SLC16A7: variants seen among roughly 807,000 people sequenced by gnomAD.
The protein encoded by SLC16A7 is monocarboxylate transporter 2.
Under a neutral mutation model 34.9 loss-of-function variants are expected in SLC16A7, and 33 were observed. The observed-to-expected ratio is 0.94, with a 90% CI of 0.72 to 1.26. The LOEUF is 1.26. SLC16A7 is among the 50% of genes most tolerant of loss of function. SLC16A7 has a pLI of 0.00. For synonymous variants in SLC16A7, 201 were observed against 206.6 expected (o/e 0.97, Z 0.23); for missense variants, 573 against 578.1 (o/e 0.99, Z 0.09).
intron 1 of SLC16A7, among the ~76,000 whole-genome samples, chr12:59,608,138 C>T (rs1217032387): frequency 6.6e-6 from 1 of 152,122 alleles, no homozygotes; most frequent in Non-Finnish European, 1.5e-5. Flanking sequence ...TTTCTGCATC[C>T]TCTCTCTGTT....
intron 2 of SLC16A7, among the ~76,000 whole-genome samples, chr12:59,700,290 T>C (rs1011404896): frequency 6.6e-6 from 1 of 151,642 alleles, no homozygotes; most frequent in Non-Finnish European, 1.5e-5. Flanking sequence ...ATGGTGACTT[T>C]ACAGAACACA....
At chr12:59,768,323 A>C in intron 3 of SLC16A7, 1 of 379,048 alleles carries the variant, frequency 2.6e-6, no homozygotes, top group South Asian at 2.0e-5. Flanking sequence ...ACTTCAGTGA[A>C]GTAAGTAACT....
chr12:59,638,112 A>G (rs950354537), intron 1 of SLC16A7, among the ~76,000 whole-genome samples: 4 of 152,094 alleles, frequency 2.6e-5, no homozygotes, highest in African/African-American at 7.2e-5. Context: ...TTCGATAAAG[A>G]ATAGACAGCT....
Position 59,779,125 on chromosome 12 carries a change from C to G in SLC16A7, c.1181-298C>G, listed in dbSNP as rs555122914. ...TGTATAGATATAAAAATATACCTCA[C>G]TCATGTATGTATTAATATATACACA... On this transcript the variant is annotated intron_variant, in intron 5 of 5. Coordinates refer to ENST00000547379, the MANE Select transcript of SLC16A7 (RefSeq NM_001270623.2). Among the ~76,000 whole-genome samples, 59 of 152,028 alleles carry G rather than the reference C, an allele frequency of 3.9e-4. 2 individuals carry two copies. The highest frequency in any genetic ancestry group is 3.8e-3 in the Admixed American group (58 of 15,258).
intron 1 of SLC16A7, among the ~76,000 whole-genome samples, chr12:59,607,098 A>C (rs958647007): frequency 2.0e-5 from 3 of 152,172 alleles, no homozygotes; most frequent in Non-Finnish European, 4.4e-5. Context: ...TGCAGGGCAA[A>C]GTTGAGTAGT....
At chr12:59,644,801 A>G (rs1880837799) in intron 1 of SLC16A7, among the ~76,000 whole-genome samples, 1 of 152,174 alleles carries the variant, frequency 6.6e-6, no homozygotes, top group Non-Finnish European at 1.5e-5. Flanking sequence ...CGGATAGAAA[A>G]CATAATTTCC....
intron 3 of SLC16A7, among the ~76,000 whole-genome samples, chr12:59,762,076 T>G (rs1161914207): frequency 6.6e-6 from 1 of 152,128 alleles, no homozygotes; most frequent in Admixed American, 6.6e-5. Context: ...TCTGGCTGAA[T>G]TGTTCTGTAA....
intron 1 of SLC16A7, among the ~76,000 whole-genome samples, chr12:59,608,783 G>T (rs964286907): frequency 4.6e-5 from 7 of 152,144 alleles, no homozygotes; most frequent in African/African-American, 1.4e-4. Context: ...ACACAAATTT[G>T]TTACTCTACC....
intron 1 of SLC16A7, among the ~76,000 whole-genome samples, chr12:59,637,184 T>A (rs530883067): frequency 6.6e-6 from 1 of 152,214 alleles, no homozygotes; most frequent in South Asian, 2.1e-4. Flanking sequence ...TGTGTGCACA[T>A]TGAAAGGGAA....
intron 3 of SLC16A7, among the ~76,000 whole-genome samples, chr12:59,731,153 T>C (rs887016088): frequency 2.6e-5 from 4 of 152,180 alleles, no homozygotes; most frequent in Non-Finnish European, 4.4e-5. Flanking sequence ...AGCTTAAATA[T>C]GTATATACTT....
intron 1 of SLC16A7, among the ~76,000 whole-genome samples, chr12:59,609,446 G>A (rs1592385845): frequency 6.6e-6 from 1 of 152,052 alleles, no homozygotes; most frequent in African/African-American, 2.4e-5. Context: ...AGGCAGATAA[G>A]CGACTTAGAG....
chr12:59,699,183 G>T (rs1222402600), intron 2 of SLC16A7, among the ~76,000 whole-genome samples: 1 of 151,440 alleles, frequency 6.6e-6, no homozygotes. Flanking sequence ...ATCTTTAAGT[G>T]AAAATTTATT....
At chr12:59,648,397 T>C (rs1321382830) in intron 1 of SLC16A7, among the ~76,000 whole-genome samples, 12 of 152,168 alleles carry the variant, frequency 7.9e-5, no homozygotes, top group Non-Finnish European at 4.4e-5. Flanking sequence ...TTATAGATGA[T>C]ATTAATATTT....
At chr12:59,706,758 T>C (rs1406742886) in intron 3 of SLC16A7, among the ~76,000 whole-genome samples, 4 of 152,158 alleles carry the variant, frequency 2.6e-5, no homozygotes, top group Admixed American at 2.6e-4. Context: ...TATTAAGATA[T>C]GTAGAGGGTT....
At chr12:59,741,148 A>C (rs1280402197) in intron 3 of SLC16A7, among the ~76,000 whole-genome samples, 3 of 152,140 alleles carry the variant, frequency 2.0e-5, no homozygotes, top group Non-Finnish European at 4.4e-5. Context: ...AAGGTAATTT[A>C]TAGATTCAAT....
chr12:59,768,214 G>A (rs978281405), intron 3 of SLC16A7: 5 of 455,582 alleles, frequency 1.1e-5, no homozygotes, highest in East Asian at 7.0e-5. Flanking sequence ...ATAACATCAC[G>A]ATCATTCACT....
At chr12:59,730,826 A>G (rs1876863492) in intron 3 of SLC16A7, among the ~76,000 whole-genome samples, 1 of 152,176 alleles carries the variant, frequency 6.6e-6, no homozygotes, top group African/African-American at 2.4e-5. Flanking sequence ...TAGATTTAAG[A>G]AAGTTTCATG....
chr12:59,671,733 T>C (rs1161794566), intron 2 of SLC16A7, among the ~76,000 whole-genome samples: 1 of 146,226 alleles, frequency 6.8e-6, no homozygotes, highest in Non-Finnish European at 1.5e-5. Flanking sequence ...TATGTGTATA[T>C]ATGTATATAT....
intron 1 of SLC16A7, among the ~76,000 whole-genome samples, chr12:59,620,134 GTT>G (rs951516365): frequency 1.3e-5 from 2 of 149,108 alleles, no homozygotes; most frequent in African/African-American, 4.9e-5. Flanking sequence ...ATACTGTGTG[GTT>G]TTTTTTTTCT....
Sources: gnomAD v4.1 joint callset for allele counts (sites outside exome capture counted in the v4.1 genomes callset) on GRCh38, gnomAD v4.1.1 for gene constraint, MANE v1.5 for transcripts, NCBI Gene and HGNC (gene_info 2026-07-23, HGNC 2026-07-21) for gene names.